Variants in SEC31A observed in about 807,000 individuals in gnomAD.
SEC31A encodes protein transport protein Sec31A.
SEC31A carries 70 observed loss-of-function variants against 151.0 expected under a neutral mutation model. That is an observed-to-expected ratio of 0.46 (90% CI 0.38 to 0.57). SEC31A has a LOEUF of 0.57. Among genes scored for constraint, SEC31A ranks in the 20% least tolerant of loss-of-function variants. SEC31A has a pLI of 0.00. For missense variants in SEC31A, 1,330 were observed against 1,471.2 expected (o/e 0.90, Z 1.57); for synonymous variants, 475 against 505.9 (o/e 0.94, Z 0.82).
Position 82,861,613 on chromosome 4 carries a change from T to C in SEC31A, c.1626+18A>G. On this transcript the variant is annotated intron_variant, in intron 14 of 26. Transcript: ENST00000395310. ...TATCACAAATTTGTCCAATATAATA[T>C]GAAAAAAAAATAAGTACCTCTCCCA... is the stretch of plus-strand genomic sequence containing the variant. 5 of 1,549,016 alleles carry C rather than the reference T, an allele frequency of 3.2e-6. No individual in the cohort carries two copies. Among genetic ancestry groups the C allele is most frequent in the South Asian group, 2.3e-5 (2 of 85,996 alleles).
At position 82,818,554 on chromosome 4, in the gene SEC31A, C is replaced by A. The variant is rs555976950; in HGVS notation, c.*520G>T. On this transcript the variant is annotated 3_prime_UTR_variant, in exon 27 of 27. Transcript: ENST00000395310. Reference sequence around the variant, plus strand: ...CCATTTTTATTAATATCTGCTAAAACCCATGTAGCAGTTTGTAGATGTAGT... The same window carrying A: ...CCATTTTTATTAATATCTGCTAAAAACCATGTAGCAGTTTGTAGATGTAGT... 6.6e-6 allele frequency: 1 copy of A among 152,264 alleles called. No homozygotes were observed. The highest frequency in any genetic ancestry group is 2.1e-4 in the South Asian group (1 of 4,828). The allele number at this position is 152,264 out of a possible 1,614,324, so 9.4% of individuals were successfully genotyped here.
At position 82,867,191 on chromosome 4, in the gene SEC31A, A is replaced by T. The variant is rs2045478; in HGVS notation, c.1008T>A (p.Gly336=). 1 allele frequency: 1,613,170 copies of T among 1,614,074 alleles called. 806,135 individuals are homozygous for T. Among genetic ancestry groups the T allele is most frequent in the East Asian group, 1 (44,878 of 44,878 alleles). Residue 336 remains glycine, a synonymous_variant, in exon 9 of 27, where the codon GGT becomes GGA. Transcript: ENST00000395310. ...GTTTCTGTCTTAAACCATCTGTGCTACCTCCCATGATAGAATAAACACTGA... is the reference window on the plus strand; with the variant it reads ...GTTTCTGTCTTAAACCATCTGTGCTTCCTCCCATGATAGAATAAACACTGA... ...GRISVYSIMG[G]STDGLRQKQV...
intron 20 of SEC31A, 97 bp downstream of exon 20, chr4:82,848,707 A>G: frequency 1.0e-6 from 1 of 982,230 alleles, no homozygotes; most frequent in Non-Finnish European, 1.5e-6. Context: ...GTCTAGTTTT[A>G]CCATATCAGA....
At chr4:82,890,004 G>A (rs897065145) in intron 1 of SEC31A, among the ~76,000 whole-genome samples, 1 of 151,996 alleles carries the variant, frequency 6.6e-6, no homozygotes, top group South Asian at 2.1e-4. Flanking sequence ...AACTCGGGCG[G>A]ATCACTTGAG....
intron 7 of SEC31A, 75 bp downstream of exon 7, chr4:82,871,869 T>C (rs1474074267): frequency 1.2e-6 from 2 of 1,600,990 alleles, no homozygotes; most frequent in Non-Finnish European, 1.7e-6. Flanking sequence ...CTATGGTGTA[T>C]TTCTGGTCAC....
At chr4:82,823,416 C>T (rs1007760762) in intron 25 of SEC31A, among the ~76,000 whole-genome samples, 8 of 152,218 alleles carry the variant, frequency 5.3e-5, no homozygotes, top group Non-Finnish European at 8.8e-5. Flanking sequence ...CCCAGAATGT[C>T]AGGCACTAAG....
chr4:82,834,209 C>CT (rs776459677), intron 22 of SEC31A, among the ~76,000 whole-genome samples: 1 of 152,184 alleles, frequency 6.6e-6, no homozygotes, highest in Non-Finnish European at 1.5e-5. Flanking sequence ...TACTAATGCA[C>CT]TCTCTAGCAC....
At chr4:82,837,172 TATATATATATATATATATATATATATA>T (rs1460661782) in intron 22 of SEC31A, among the ~76,000 whole-genome samples, 1,451 of 49,098 alleles carry the variant, frequency 0.03, 78 homozygotes, top group Non-Finnish European at 0.056. Flanking sequence ...TATATATATA[TATATATATATATATATATATATATATA>T]ATTTCACCAC....
At chr4:82,891,551 C>G (rs917599688), upstream of SEC31A, among the ~76,000 whole-genome samples, 1 of 152,234 alleles carries the variant, frequency 6.6e-6, no homozygotes, top group Non-Finnish European at 1.5e-5. Context: ...GCGACACTGC[C>G]CGCGCCAAAC....
At chr4:82,838,781 T>G (rs966437867) in intron 22 of SEC31A, among the ~76,000 whole-genome samples, 1 of 152,238 alleles carries the variant, frequency 6.6e-6, no homozygotes, top group African/African-American at 2.4e-5. Context: ...CAGGTATCCA[T>G]TGAGAATTTA....
At chr4:82,900,483 G>A in exon 1 of SEC31A, 2 of 356,424 alleles carry the variant, frequency 5.6e-6, no homozygotes, top group Non-Finnish European at 1.0e-5. Flanking sequence ...GATTGTGCCA[G>A]AATGGGTGAA....
At chr4:82,875,557 T>C (rs1358503596) in intron 5 of SEC31A, among the ~76,000 whole-genome samples, 170 bp downstream of exon 5, 1 of 152,222 alleles carries the variant, frequency 6.6e-6, no homozygotes, top group Non-Finnish European at 1.5e-5. Flanking sequence ...GACTCACTGA[T>C]ACTTTGAAGA....
At chr4:82,861,080 A>C (rs1422528098) in intron 14 of SEC31A, among the ~76,000 whole-genome samples, 1 of 151,736 alleles carries the variant, frequency 6.6e-6, no homozygotes, top group Non-Finnish European at 1.5e-5. Context: ...AAAAAAAAAA[A>C]AACACCCAGA....
At chr4:82,892,892 AG>A (rs1487102158), upstream of SEC31A, 2 of 152,224 alleles carry the variant, frequency 1.3e-5, no homozygotes, top group East Asian at 3.8e-4. Context: ...AACTGTGCAA[AG>A]ACTGCCTGTA....
chr4:82,846,369 A>ATCATCATC (rs1560609403), intron 20 of SEC31A, among the ~76,000 whole-genome samples: 7 of 133,358 alleles, frequency 5.2e-5, no homozygotes, highest in African/African-American at 2.4e-4. Flanking sequence ...TCCAAAACAT[A>ATCATCATC]ATAATAATAA....
chr4:82,846,682 A>G (rs1730292671), intron 20 of SEC31A, among the ~76,000 whole-genome samples: 1 of 145,906 alleles, frequency 6.9e-6, no homozygotes, highest in South Asian at 2.2e-4. Context: ...CCTTAATTAC[A>G]TTTTCTTTTT....
chr4:82,865,758 T>C (rs529830811), intron 10 of SEC31A, among the ~76,000 whole-genome samples: 5 of 152,112 alleles, frequency 3.3e-5, no homozygotes, highest in African/African-American at 7.2e-5. Flanking sequence ...CAAAGTAGAA[T>C]GTGGTTACCA....
At chr4:82,863,283 A>G (rs776139185) in intron 12 of SEC31A, 35 bp downstream of exon 12, 3 of 1,156,956 alleles carry the variant, frequency 2.6e-6, no homozygotes, top group Non-Finnish European at 3.8e-6. Context: ...TATGATTCAT[A>G]AAGAGCATGC....
chr4:82,897,936 A>G (rs1720134563), intron 3 of SEC31A: 2 of 152,200 alleles, frequency 1.3e-5, no homozygotes, highest in African/African-American at 4.8e-5. Context: ...TTTCCAACTC[A>G]CTGCTATAGT....
Sources: gnomAD v4.1 joint callset for allele counts (sites outside exome capture counted in the v4.1 genomes callset) on GRCh38, gnomAD v4.1.1 for gene constraint, MANE v1.5 for transcripts, NCBI Gene and HGNC (gene_info 2026-07-23, HGNC 2026-07-21) for gene names.